Variants in ISOC1 observed in about 807,000 individuals in gnomAD.
The protein encoded by ISOC1 is isochorismatase domain containing 1.
A neutral mutation model predicts 30.0 loss-of-function variants in ISOC1; 33 were observed. The observed-to-expected ratio is 1.10, with a 90% CI of 0.83 to 1.47. ISOC1 has a LOEUF of 1.47. ISOC1 is among the 40% of genes most tolerant of loss of function. The pLI, the probability that ISOC1 is intolerant of heterozygous loss-of-function variation, is 0.00. For missense variants in ISOC1, 372 were observed against 388.0 expected, an observed-to-expected ratio of 0.96 and a Z score of 0.35; for synonymous variants, 178 against 159.8, an observed-to-expected ratio of 1.11 and a Z score of -0.86.
chr5:129,097,326 G>A (rs940286923), intron 1 of ISOC1, among the ~76,000 whole-genome samples: 1 of 152,150 alleles, frequency 6.6e-6, no homozygotes, highest in Non-Finnish European at 1.5e-5. Flanking sequence ...TGCACACACT[G>A]TGTATCGTAT....
chr5:129,111,287 TG>T (rs985831082), intron 4 of ISOC1, among the ~76,000 whole-genome samples: 7 of 152,122 alleles, frequency 4.6e-5, no homozygotes, highest in Middle Eastern at 3.2e-3. Context: ...TGTTTTATTT[TG>T]TTTTTTTTAA....
At chr5:129,111,324 C>G (rs1328430200) in intron 4 of ISOC1, among the ~76,000 whole-genome samples, 5 of 151,980 alleles carry the variant, frequency 3.3e-5, no homozygotes, top group Admixed American at 3.3e-4. Flanking sequence ...TTCTGGTTAG[C>G]TGCTCTGCAC....
chr5:129,111,089 C>T (rs530291213), intron 4 of ISOC1, among the ~76,000 whole-genome samples: 69 of 152,058 alleles, frequency 4.5e-4, no homozygotes, highest in Middle Eastern at 3.4e-3. Context: ...AGCAAGCACA[C>T]GATCTTTTCA....
intron 4 of ISOC1, among the ~76,000 whole-genome samples, chr5:129,107,555 T>C (rs551932224): frequency 1.3e-5 from 2 of 152,224 alleles, no homozygotes; most frequent in Admixed American, 6.5e-5. Flanking sequence ...AATAGAATGA[T>C]AGGGCAGAAT....
chr5:129,111,854 C>G (rs1425973889), intron 4 of ISOC1, among the ~76,000 whole-genome samples: 2 of 152,042 alleles, frequency 1.3e-5, no homozygotes, highest in Non-Finnish European at 2.9e-5. Flanking sequence ...CAAGGATATT[C>G]TTTGACCTGT....
In ISOC1 at chr5:129,112,734, G is replaced by T. The variant is rs146256853; in HGVS notation, c.751-121G>T. 63 of 1,069,644 alleles carry T rather than the reference G, an allele frequency of 5.9e-5. No individual in the cohort carries two copies. The East Asian group carries it at 1.5e-3, about 25-fold the overall frequency. 66.3% of individuals were successfully genotyped at this position (1,069,644 alleles called of 1,614,324 possible). On this transcript the variant is annotated intron_variant, in intron 4 of 4. Coordinates refer to ENST00000173527, the MANE Select transcript of ISOC1 (RefSeq NM_016048.2). ...CCCCATCACTGAACTTGATGGTATG[G>T]CTGGGAACCACGGTTTCAGTAGAGG...
At chr5:129,100,843 C>A (rs1753561817) in intron 1 of ISOC1, among the ~76,000 whole-genome samples, 1 of 150,346 alleles carries the variant, frequency 6.7e-6, no homozygotes, top group African/African-American at 2.5e-5. Flanking sequence ...TTGGTAGCCA[C>A]AAAAGTTCCT....
intron 1 of ISOC1, among the ~76,000 whole-genome samples, chr5:129,101,178 A>ATATATATATATAT: frequency 1.8e-5 from 2 of 108,168 alleles, no homozygotes; most frequent in African/African-American, 9.4e-5. Flanking sequence ...AAAAAAAAAA[A>ATATATATATATAT]AAAAAAAAAA....
At chr5:129,104,448 A>T (rs1432928925) in intron 1 of ISOC1, among the ~76,000 whole-genome samples, 1 of 152,154 alleles carries the variant, frequency 6.6e-6, no homozygotes, top group African/African-American at 2.4e-5. Context: ...CATTCAGGAA[A>T]TGTGTTTAAA....
At chr5:129,106,402 T>C (rs1466635062) in intron 3 of ISOC1, among the ~76,000 whole-genome samples, 1 of 152,190 alleles carries the variant, frequency 6.6e-6, no homozygotes. Flanking sequence ...CTTACAAAGA[T>C]GGAATCTGTA....
intron 4 of ISOC1, among the ~76,000 whole-genome samples, chr5:129,107,494 A>G (rs923860435): frequency 6.6e-6 from 1 of 152,186 alleles, no homozygotes; most frequent in Non-Finnish European, 1.5e-5. Flanking sequence ...CAGATAGAAA[A>G]TATCAGAAAT....
In ISOC1 at chr5:129,105,014, A is replaced by C; in HGVS notation, c.368A>C (p.Gln123Pro). ...ACTGTGTTTTTCTGCTGTGATATGC[A>C]GGAAAGGTTCAGACCAGCCATCAAG... is the stretch of plus-strand genomic sequence containing the variant. ...SSTVFFCCDM[Q>P]ERFRPAIKYF... is the part of the protein sequence containing the mutation. The change falls in exon 2 of 5, where the codon CAG becomes CCG. Residue 123 changes from glutamine to proline, a missense_variant. Gln to Pro is a moderately conservative substitution (Grantham distance 76). Coordinates refer to ENST00000173527, the MANE Select transcript of ISOC1 (RefSeq NM_016048.2). The C allele has an allele frequency of 2.5e-6, 4 of 1,613,870 alleles. No individual in the cohort carries two copies. The highest frequency in any genetic ancestry group is 2.5e-6 in the Non-Finnish European group (3 of 1,179,822).
intron 1 of ISOC1, among the ~76,000 whole-genome samples, chr5:129,100,657 C>A (rs919325080): frequency 2.6e-5 from 4 of 151,946 alleles, no homozygotes; most frequent in African/African-American, 9.7e-5. Context: ...TGGCTACTGG[C>A]GATATTTTTT....
intron 1 of ISOC1, among the ~76,000 whole-genome samples, chr5:129,103,859 G>T (rs564377516): frequency 5.9e-5 from 9 of 152,212 alleles, no homozygotes; most frequent in African/African-American, 2.2e-4. Context: ...GCTAGTAAGG[G>T]TATTGATAAT....
intron 1 of ISOC1, among the ~76,000 whole-genome samples, chr5:129,103,465 A>G (rs1194982210): frequency 6.6e-6 from 1 of 152,202 alleles, no homozygotes; most frequent in Admixed American, 6.5e-5. Flanking sequence ...AGAATTACAG[A>G]TGGCTCTCAC....
At chr5:129,099,476 A>G (rs1753545987) in intron 1 of ISOC1, among the ~76,000 whole-genome samples, 1 of 152,230 alleles carries the variant, frequency 6.6e-6, no homozygotes, top group South Asian at 2.1e-4. Flanking sequence ...AATAAGAGCC[A>G]ATAAGTATTA....
intron 4 of ISOC1, among the ~76,000 whole-genome samples, chr5:129,110,061 C>T (rs1753686066): frequency 6.6e-6 from 1 of 152,188 alleles, no homozygotes; most frequent in Admixed American, 6.5e-5. Context: ...AAAATCCTCT[C>T]TTGACCTTGA....
chr5:129,096,998 A>G lies in ISOC1; in HGVS notation c.309+1923A>G, dbSNP rs376308436. On this transcript the variant is annotated intron_variant, in intron 1 of 4. Transcript: ENST00000173527. Reference sequence around the variant, plus strand: ...CTTGTACATTCTCAAAAGGCGTTATATAATTCTGGTCACCTGTAGCTTTTG... The same window carrying G: ...CTTGTACATTCTCAAAAGGCGTTATGTAATTCTGGTCACCTGTAGCTTTTG... 3.3e-5 allele frequency among the ~76,000 whole-genome samples: 5 copies of G among 152,192 alleles called. No homozygotes were observed. The East Asian group carries it at 5.8e-4, about 18-fold the overall frequency.
At chr5:129,099,474 C>A (rs192758383) in intron 1 of ISOC1, among the ~76,000 whole-genome samples, 1 of 152,232 alleles carries the variant, frequency 6.6e-6, no homozygotes, top group African/African-American at 2.4e-5. Flanking sequence ...AAAATAAGAG[C>A]CAATAAGTAT....
Sources: allele counts gnomAD v4.1 joint callset (sites outside exome capture counted in the v4.1 genomes callset), GRCh38; gene constraint gnomAD v4.1.1; transcripts MANE v1.5; gene names NCBI Gene and HGNC (gene_info 2026-07-23, HGNC 2026-07-21).